The following PTPRS variants were observed in gnomAD, a reference collection of about 807,000 sequenced individuals.
The protein encoded by PTPRS is protein tyrosine phosphatase receptor type S.
In PTPRS, 63 loss-of-function variants were observed where a neutral mutation model predicts 215.3. That is an observed-to-expected ratio of 0.29 (90% CI 0.24 to 0.36). PTPRS has a LOEUF of 0.36. Among genes scored for constraint, PTPRS ranks in the 10% least tolerant of loss-of-function variants. The pLI, the probability that PTPRS is intolerant of heterozygous loss-of-function variation, is 1.00. For synonymous variants in PTPRS, 1,404 were observed against 1,191.4 expected (o/e 1.18, Z -3.68); for missense variants, 2,258 against 2,825.8 (o/e 0.80, Z 4.56).
Position 5,214,565 on chromosome 19 carries a change from G to A in PTPRS, c.4490C>T (p.Ser1497Leu), listed in dbSNP as rs1264309988. ...GCCGTGGGGTCCAAGGCTCACCCGT[G>A]ACTTCTCCTCCAGCCGCGTCATCAT... ...IVMMTRLEEKSRIKCDQYWPN... is the reference protein window; with the variant it reads ...IVMMTRLEEKLRIKCDQYWPN... The change falls in exon 29 of 38, where the codon TCA (serine) becomes TTA (leucine). Residue 1497 changes from serine to leucine, a missense_variant. Ser to Leu is a moderately radical substitution (Grantham distance 145). Coordinates refer to ENST00000262963, the MANE Select transcript of PTPRS (RefSeq NM_002850.4). The A allele has an allele frequency of 1.9e-6, 3 of 1,611,200 alleles. No individual in the cohort carries two copies. The Admixed American group carries it at 5.0e-5, about 27-fold the overall frequency.
intron 2 of PTPRS, among the ~76,000 whole-genome samples, chr19:5,281,196 C>A (rs1172655279): frequency 1.3e-5 from 2 of 152,038 alleles, no homozygotes; most frequent in Admixed American, 1.3e-4. Context: ...CATGGTAGCT[C>A]ACGCCTGTAA....
At chr19:5,291,514 A>T (rs571630781) in intron 1 of PTPRS, among the ~76,000 whole-genome samples, 1 of 152,150 alleles carries the variant, frequency 6.6e-6, no homozygotes, top group Admixed American at 6.5e-5. Context: ...GCTTCTGCTC[A>T]CACACCCACG....
At chr19:5,220,479 C>T (rs1365145251) in intron 20 of PTPRS, 126 bp from the exon 21 acceptor site, 11 of 788,994 alleles carry the variant, frequency 1.4e-5, no homozygotes, top group African/African-American at 3.4e-5. Context: ...GAGCCTATTC[C>T]CCTATGCCCC....
At chr19:5,336,209 GTTTTT>G (rs531115171) in intron 1 of PTPRS, among the ~76,000 whole-genome samples, 1 of 114,006 alleles carries the variant, frequency 8.8e-6, no homozygotes, top group Non-Finnish European at 1.7e-5. Context: ...GGTACGTCGG[GTTTTT>G]TTTTTTCTTC....
chr19:5,278,282 G>A (rs145462227), intron 2 of PTPRS: 9 of 342,722 alleles, frequency 2.6e-5, no homozygotes, highest in Admixed American at 9.2e-5. Flanking sequence ...GCAATGGCAC[G>A]AACATACCTC....
intron 1 of PTPRS, among the ~76,000 whole-genome samples, chr19:5,327,195 C>G (rs1231492496): frequency 1.3e-5 from 2 of 152,334 alleles, no homozygotes; most frequent in South Asian, 4.1e-4. Context: ...AAGCGCAACT[C>G]AATACCCCGG....
At chr19:5,280,717 G>C (rs1247571176) in intron 2 of PTPRS, among the ~76,000 whole-genome samples, 1 of 151,864 alleles carries the variant, frequency 6.6e-6, no homozygotes, top group Non-Finnish European at 1.5e-5. Flanking sequence ...GCAAAACTCT[G>C]TCTCCAAAAC....
chr19:5,334,266 G>A (rs927982055), intron 1 of PTPRS, among the ~76,000 whole-genome samples: 1 of 152,246 alleles, frequency 6.6e-6, no homozygotes, highest in African/African-American at 2.4e-5. Context: ...CGGGGCGCGG[G>A]TGGACACTGG....
At chr19:5,306,150 T>C (rs978698916) in intron 1 of PTPRS, among the ~76,000 whole-genome samples, 5 of 147,876 alleles carry the variant, frequency 3.4e-5, no homozygotes, top group African/African-American at 1.2e-4. Flanking sequence ...ACAGGGTGAT[T>C]TTTTTTTTTT....
At chr19:5,282,442 G>C (rs377367411) in intron 2 of PTPRS, among the ~76,000 whole-genome samples, 2 of 152,192 alleles carry the variant, frequency 1.3e-5, no homozygotes, top group African/African-American at 4.8e-5. Flanking sequence ...CCTGCAGCTC[G>C]AGAGGCACAA....
chr19:5,307,745 G>A (rs535734803), intron 1 of PTPRS, among the ~76,000 whole-genome samples: 6 of 152,250 alleles, frequency 3.9e-5, no homozygotes, highest in African/African-American at 9.6e-5. Flanking sequence ...CATTTCAAAC[G>A]CTCAATAGCC....
At chr19:5,240,032 G>A (rs1223514110) in intron 12 of PTPRS, among the ~76,000 whole-genome samples, 167 bp downstream of exon 12, 1 of 152,156 alleles carries the variant, frequency 6.6e-6, no homozygotes, top group Non-Finnish European at 1.5e-5. Context: ...GAAAAAAGTG[G>A]AGGAAAGGCA....
chr19:5,215,266 A>G (rs770825022), intron 28 of PTPRS, 23 bp downstream of exon 28: 6 of 1,612,364 alleles, frequency 3.7e-6, no homozygotes, highest in Non-Finnish European at 5.1e-6. Flanking sequence ...AGGGCAGGTT[A>G]AGACCCGGGA....
Position 5,229,316 on chromosome 19 carries a change from A to G in PTPRS, c.2376T>C (p.Tyr792=), listed in dbSNP as rs777929778. The change falls in exon 16 of 38, where the codon TAT becomes TAC. Residue 792 remains tyrosine, a splice_region_variant and synonymous_variant. Coordinates refer to ENST00000262963, the MANE Select transcript of PTPRS (RefSeq NM_002850.4). ...GTGGGTGGCCAGGGGCGCTACTTAC[A>G]TATTCGGCCGTGTCATCCGTCTCCC... The part of the protein sequence containing the change: ...AQWETDDTAE[Y]EMVITNLQPE... The G allele has an allele frequency of 2.2e-6, 3 of 1,379,714 alleles. No individual in the cohort carries two copies. The highest frequency in any genetic ancestry group is 2.8e-6 in the Non-Finnish European group (3 of 1,061,734). The allele number at this position is 1,379,714 out of a possible 1,614,324, so 85.5% of individuals were successfully genotyped here.
chr19:5,305,939 CAAAAAAAAAAAAAAAAA>C (rs35165317), intron 1 of PTPRS, among the ~76,000 whole-genome samples: 7 of 22,644 alleles, frequency 3.1e-4, no homozygotes, highest in South Asian at 3.7e-3. Context: ...GACTCCGTCT[CAAAAAAAAAAAAAAAAA>C]AAAAAAAAAA....
At chr19:5,234,176 T>C (rs117034306) in intron 13 of PTPRS, among the ~76,000 whole-genome samples, 30 of 147,580 alleles carry the variant, frequency 2.0e-4, no homozygotes, top group Non-Finnish European at 3.8e-4. Context: ...ATTTTTCTTG[T>C]AGTAAAAGCA....
chr19:5,251,472 T>C (rs1019562070), intron 9 of PTPRS, among the ~76,000 whole-genome samples: 34 of 151,662 alleles, frequency 2.2e-4, no homozygotes, highest in Non-Finnish European at 1.5e-5. Flanking sequence ...TTCTCTCATT[T>C]CTTTTTGTTT....
At chr19:5,306,430 C>T (rs1365432761) in intron 1 of PTPRS, among the ~76,000 whole-genome samples, 2 of 152,072 alleles carry the variant, frequency 1.3e-5, no homozygotes, top group African/African-American at 4.8e-5. Context: ...CAGGCATGAA[C>T]TACCACACCT....
chr19:5,223,324 G>A, intron 17 of PTPRS, 27 bp from the exon 18 acceptor site: 1 of 1,438,344 alleles, frequency 7.0e-7, no homozygotes, highest in Non-Finnish European at 9.1e-7. Context: ...CAGGTGTCAG[G>A]GTCCCAGCGC....
Sources: allele counts gnomAD v4.1 joint callset (sites outside exome capture counted in the v4.1 genomes callset), GRCh38; gene constraint gnomAD v4.1.1; transcripts MANE v1.5; gene names NCBI Gene and HGNC (gene_info 2026-07-23, HGNC 2026-07-21).